The following ACYP2 variants were observed in gnomAD, a reference collection of about 807,000 sequenced individuals.
ACYP2 encodes acylphosphatase 2, also known as acylphosphatase-2.
Under a neutral mutation model 11.2 loss-of-function variants are expected in ACYP2, and 12 were observed. The observed-to-expected ratio is 1.08, with a 90% CI of 0.69 to 1.74. ACYP2 has a LOEUF of 1.74. ACYP2 is among the 40% of genes most tolerant of loss of function. The pLI, the probability that ACYP2 is intolerant of heterozygous loss-of-function variation, is 0.00. For missense variants in ACYP2, 134 were observed against 101.9 expected (o/e 1.31, Z -1.35); for synonymous variants, 43 against 32.2 (o/e 1.33, Z -1.13).
intron 2 of ACYP2, among the ~76,000 whole-genome samples, chr2:54,007,230 C>G (rs990295973): frequency 6.9e-6 from 1 of 145,696 alleles, no homozygotes; most frequent in African/African-American, 2.5e-5. Flanking sequence ...CAGGCCCCTC[C>G]CATCATCCTA....
At chr2:54,157,630 G>T (rs1682490977) in intron 6 of ACYP2, among the ~76,000 whole-genome samples, 1 of 152,170 alleles carries the variant, frequency 6.6e-6, no homozygotes, top group African/African-American at 2.4e-5. Context: ...CAGTGACCAA[G>T]AAATAAGGTT....
At chr2:54,006,541 G>A (rs966985280) in intron 2 of ACYP2, among the ~76,000 whole-genome samples, 12 of 152,042 alleles carry the variant, frequency 7.9e-5, no homozygotes, top group African/African-American at 2.9e-4. Context: ...CTCCTGCTTC[G>A]GCCCTCCAAA....
intron 6 of ACYP2, chr2:54,256,169 C>T (rs776099826): frequency 8.7e-6 from 14 of 1,600,636 alleles, no homozygotes; most frequent in Middle Eastern, 1.7e-4. Flanking sequence ...GCGGCCAGGG[C>T]AGCAGTGGGT....
Position 54,143,760 on chromosome 2 carries a change from G to GT in ACYP2, c.404+5012_404+5013insT, listed in dbSNP as rs1182952904. On this transcript the variant is annotated intron_variant, in intron 6 of 6. Coordinates refer to ENST00000607452, the MANE Select transcript of ACYP2 (RefSeq NM_001320586.2). ...TTTTTTTTTTTTTTTTTTTTTTTGG[G>GT]GGGGGGGTATTCTATCATGTTTTGA... Among the ~76,000 whole-genome samples the GT allele has an allele frequency of 9.3e-4, 121 of 129,916 alleles. 3 individuals carry two copies. Among genetic ancestry groups the GT allele is most frequent in the African/African-American group, 3.0e-3 (102 of 33,812 alleles). 85.2% of individuals were successfully genotyped at this position (129,916 alleles called of 152,430 possible).
At chr2:54,283,083 TTTCAA>T (rs1688915972) in intron 6 of ACYP2, among the ~76,000 whole-genome samples, 1 of 152,212 alleles carries the variant, frequency 6.6e-6, no homozygotes, top group Non-Finnish European at 1.5e-5. Flanking sequence ...ACAGTGGTGT[TTTCAA>T]TTCAGTGATT....
chr2:53,990,668 GA>G lies in ACYP2; in HGVS notation c.62+16867del, dbSNP rs1001202727. 8.5e-3 allele frequency among the ~76,000 whole-genome samples: 1,210 copies of G among 142,474 alleles called. 27 individuals carry two copies. The highest frequency in any genetic ancestry group is 0.029 in the African/African-American group (1,132 of 38,768). The allele number at this position is 142,474 out of a possible 152,430, so 93.5% of individuals were successfully genotyped here. On this transcript the variant is annotated intron_variant, in intron 2 of 6. Coordinates refer to ENST00000607452, the MANE Select transcript of ACYP2 (RefSeq NM_001320586.2). Reference sequence around the variant, plus strand: ...CCGTCTTACCAAAAAAAAAAAAAAAGAAAAAAAAAGAAAAAGAATCCTCACT... The same window carrying G: ...CCGTCTTACCAAAAAAAAAAAAAAAGAAAAAAAAGAAAAAGAATCCTCACT...
At chr2:54,201,216 C>G (rs909373546) in intron 6 of ACYP2, among the ~76,000 whole-genome samples, 1 of 152,114 alleles carries the variant, frequency 6.6e-6, no homozygotes, top group East Asian at 1.9e-4. Context: ...CGCCATTCTC[C>G]TGCCTCAGCT....
intron 6 of ACYP2, among the ~76,000 whole-genome samples, chr2:54,208,462 T>C (rs990864156): frequency 1.4e-4 from 21 of 152,152 alleles, no homozygotes; most frequent in Admixed American, 1.0e-3. Flanking sequence ...GGGATGTTTC[T>C]TTTTAATTGT....
At chr2:54,092,072 G>A (rs943073205) in intron 4 of ACYP2, among the ~76,000 whole-genome samples, 2 of 152,108 alleles carry the variant, frequency 1.3e-5, no homozygotes, top group Non-Finnish European at 2.9e-5. Flanking sequence ...AGAGGGTGAG[G>A]GAGTTGGAGG....
At chr2:53,986,888 G>T (rs1672064071) in intron 2 of ACYP2, among the ~76,000 whole-genome samples, 1 of 152,140 alleles carries the variant, frequency 6.6e-6, no homozygotes, top group East Asian at 1.9e-4. Flanking sequence ...GCCTCCCAAA[G>T]TGCTAAGATT....
intron 6 of ACYP2, among the ~76,000 whole-genome samples, chr2:54,177,576 AT>A (rs370517956): frequency 1.7e-3 from 219 of 130,680 alleles, no homozygotes; most frequent in Middle Eastern, 4.0e-3. Flanking sequence ...GATACCTACT[AT>A]TTTTTTTTTT....
chr2:54,075,658 C>A (rs1677299312), intron 4 of ACYP2, among the ~76,000 whole-genome samples: 2 of 151,994 alleles, frequency 1.3e-5, no homozygotes, highest in South Asian at 4.2e-4. Flanking sequence ...ACTAATAATG[C>A]AAAAATTAGC....
intron 6 of ACYP2, among the ~76,000 whole-genome samples, chr2:54,304,301 C>T (rs370632871): frequency 5.3e-5 from 8 of 151,694 alleles, no homozygotes; most frequent in African/African-American, 1.7e-4. Flanking sequence ...ACATCTACCA[C>T]GTGCTGAGTA....
At chr2:53,976,508 G>A (rs1671500696) in intron 2 of ACYP2, among the ~76,000 whole-genome samples, 2 of 152,170 alleles carry the variant, frequency 1.3e-5, no homozygotes, top group South Asian at 2.1e-4. Flanking sequence ...CACCTGGCCA[G>A]AAACGTAATC....
At chr2:54,277,982 A>G (rs983916407) in intron 6 of ACYP2, among the ~76,000 whole-genome samples, 15 of 152,070 alleles carry the variant, frequency 9.9e-5, no homozygotes, top group Non-Finnish European at 1.5e-5. Flanking sequence ...TAATTTATTT[A>G]TTTATGTATT....
At chr2:54,078,454 G>A (rs1158946596) in intron 4 of ACYP2, among the ~76,000 whole-genome samples, 8 of 147,616 alleles carry the variant, frequency 5.4e-5, no homozygotes, top group Non-Finnish European at 8.9e-5. Context: ...AGCTCCTGTC[G>A]CTATTATTAT....
intron 2 of ACYP2, among the ~76,000 whole-genome samples, chr2:53,974,857 G>A (rs1671390155): frequency 6.6e-6 from 1 of 152,204 alleles, no homozygotes; most frequent in Non-Finnish European, 1.5e-5. Flanking sequence ...AGTGGTTAAA[G>A]TCTAAGTTTG....
chr2:54,220,795 G>C (rs964062289), intron 6 of ACYP2, among the ~76,000 whole-genome samples: 1 of 152,128 alleles, frequency 6.6e-6, no homozygotes, highest in East Asian at 1.9e-4. Flanking sequence ...TGTGTCTTTA[G>C]ACTCTCCTCC....
intron 6 of ACYP2, among the ~76,000 whole-genome samples, chr2:54,270,207 C>A (rs1339458923): frequency 1.3e-5 from 2 of 151,988 alleles, no homozygotes; most frequent in Non-Finnish European, 2.9e-5. Flanking sequence ...ATGTTAAAAT[C>A]ACTTTTTCTT....
Sources: allele counts gnomAD v4.1 joint callset (sites outside exome capture counted in the v4.1 genomes callset), GRCh38; gene constraint gnomAD v4.1.1; transcripts MANE v1.5; gene names NCBI Gene and HGNC (gene_info 2026-07-23, HGNC 2026-07-21).